The following TRPC1 variants were observed in gnomAD, a reference collection of about 807,000 sequenced individuals.
TRPC1 encodes the protein transient receptor potential cation channel subfamily C member 1, also known as short transient receptor potential channel 1.
In TRPC1, 42 loss-of-function variants were observed where a neutral mutation model predicts 88.2. That is an observed-to-expected ratio of 0.48 (90% CI 0.37 to 0.62). The LOEUF is 0.62. Ranked by LOEUF, TRPC1 falls within the 20% of genes least tolerant of loss-of-function variation. TRPC1 has a pLI of 0.00. For synonymous variants in TRPC1, 288 were observed against 331.8 expected (o/e 0.87, Z 1.43); for missense variants, 699 against 957.3 (o/e 0.73, Z 3.56).
chr3:142,750,393 A>T (rs1406809637), intron 4 of TRPC1, among the ~76,000 whole-genome samples: 1 of 152,208 alleles, frequency 6.6e-6, no homozygotes, highest in East Asian at 1.9e-4. Flanking sequence ...TAGAATGGTG[A>T]TCATTAAAAA....
rs765764675 is a variant in TRPC1, at chr3:142,776,882, A to G, written c.633-750A>G. Among the ~76,000 whole-genome samples, 12 of 152,016 alleles carry G rather than the reference A, an allele frequency of 7.9e-5. No individual in the cohort carries two copies. Among genetic ancestry groups the G allele is most frequent in the African/African-American group, 1.7e-4 (7 of 41,394 alleles). On this transcript the variant is annotated intron_variant, in intron 4 of 12. Transcript: ENST00000476941. This position sits in a 1 kb window ranked among gnomAD's most constrained non-coding sequence, Gnocchi z 4.1. Reference sequence around the variant, plus strand: ...CGTGCCATTGCACTCCGGTCTGGTGACAGAGTGAGACTCCATCTCAAAAAA... The same window carrying G: ...CGTGCCATTGCACTCCGGTCTGGTGGCAGAGTGAGACTCCATCTCAAAAAA...
In TRPC1 at chr3:142,806,140, G is replaced by A. The variant is rs1936787171; in HGVS notation, c.2287G>A (p.Glu763Lys). The A allele has an allele frequency of 6.2e-7, 1 of 1,613,786 alleles. No individual in the cohort carries two copies. Among genetic ancestry groups the A allele is most frequent in the South Asian group, 1.1e-5 (1 of 91,048 alleles). The change falls in exon 13 of 13, where the codon GAA becomes AAA. Residue 763 changes from glutamate (E) to lysine (K), a missense_variant. Around this residue, in one of 4 missense-constraint regions of TRPC1, gnomAD observed 105 missense variants for 141.7 expected, o/e 0.74. Transcript: ENST00000476941. ...TCAGGCAACTGTGGAAAATCTAAAC[G>A]AACTGCGCCAAGATCTGTCAAAATT... The part of the protein sequence containing the change: ...TDQATVENLN[E>K]LRQDLSKFRN...
chr3:142,743,981 A>G (rs1004057655), intron 3 of TRPC1, among the ~76,000 whole-genome samples: 5 of 152,266 alleles, frequency 3.3e-5, no homozygotes, highest in Non-Finnish European at 7.4e-5. Context: ...AAAGCAATGG[A>G]CAGAAATCAC....
At chr3:142,743,663 T>G in intron 3 of TRPC1, 77 bp downstream of exon 3, 1 of 851,850 alleles carries the variant, frequency 1.2e-6, no homozygotes, top group Non-Finnish European at 1.6e-6. Flanking sequence ...ATTTTTTCCT[T>G]CCCTCAAATT....
At chr3:142,790,813 G>A (rs1325692681) in intron 7 of TRPC1, among the ~76,000 whole-genome samples, 2 of 151,800 alleles carry the variant, frequency 1.3e-5, no homozygotes, top group Non-Finnish European at 2.9e-5. Flanking sequence ...TGAAACTTAA[G>A]GTTATTTTCT....
In TRPC1 at chr3:142,781,034, G is replaced by A; in HGVS notation, c.960+5G>A. The stretch of plus-strand genomic sequence containing the variant: ...ATCAAATATAACCAGAAAGAGGTAT[G>A]AGGCTTTCTGTAATATATTTAAATT... On this transcript the variant is annotated splice_donor_5th_base_variant and intron_variant, in intron 6 of 12. Transcript: ENST00000476941. The A allele has an allele frequency of 6.2e-7, 1 of 1,602,404 alleles. No individual in the cohort carries two copies. The highest frequency in any genetic ancestry group is 8.5e-7 in the Non-Finnish European group (1 of 1,175,658).
intron 9 of TRPC1, chr3:142,794,008 G>A: frequency 4.9e-6 from 3 of 617,756 alleles, no homozygotes; most frequent in Non-Finnish European, 6.1e-6. Flanking sequence ...GGAATTGACA[G>A]TGCATGTTAT....
chr3:142,740,815 A>G (rs1404878700), intron 2 of TRPC1, among the ~76,000 whole-genome samples: 1 of 152,228 alleles, frequency 6.6e-6, no homozygotes, highest in African/African-American at 2.4e-5. Context: ...GGTAAGAGAA[A>G]GATGGAATTA....
chr3:142,724,879 C>T lies in TRPC1; in HGVS notation c.172+148C>T. 2 of 915,282 alleles carry T rather than the reference C, an allele frequency of 2.2e-6. No individual in the cohort carries two copies. The highest frequency in any genetic ancestry group is 3.6e-5 in the African/African-American group (2 of 54,868). The allele number at this position is 915,282 out of a possible 1,614,324, so 56.7% of individuals were successfully genotyped here. ...GCCTGCTGCCTCAGGCGGTCTTCTC[C>T]TCACCGCCTCTGCCCTGTGAGTGTG... On this transcript the variant is annotated intron_variant, in intron 1 of 12. Transcript: ENST00000476941. This position sits in a 1 kb window ranked among gnomAD's most constrained non-coding sequence, Gnocchi z 5.6.
Position 142,736,442 on chromosome 3 carries a change from G to A in TRPC1, c.236G>A (p.Cys79Tyr). 2 of 1,612,716 alleles carry A rather than the reference G, an allele frequency of 1.2e-6. No homozygotes were observed. The highest frequency in any genetic ancestry group is 1.7e-6 in the Non-Finnish European group (2 of 1,179,500). ...ENSSGDLNINCVDVLGRNAVT... is the reference protein window; with the variant it reads ...ENSSGDLNINYVDVLGRNAVT... Reference sequence around the variant, plus strand: ...AGTTCAGGTGACTTGAACATAAATTGCGTAGATGTGCTTGGGAGAAATGCT... The same window carrying A: ...AGTTCAGGTGACTTGAACATAAATTACGTAGATGTGCTTGGGAGAAATGCT... The change falls in exon 2 of 13, where the codon TGC becomes TAC. Residue 79 changes from cysteine (C) to tyrosine (Y), a missense_variant. By Grantham distance (194) the Cys-to-Tyr change is radical (BLOSUM62 -2). This residue lies in a region of TRPC1 where 157 missense variants were observed against 127.0 expected (regional missense o/e 1.24). Coordinates refer to ENST00000476941, the MANE Select transcript of TRPC1 (RefSeq NM_001251845.2).
intron 7 of TRPC1, among the ~76,000 whole-genome samples, chr3:142,790,000 G>A (rs1936247991): frequency 6.6e-6 from 1 of 152,104 alleles, no homozygotes; most frequent in Admixed American, 6.6e-5. Flanking sequence ...AAAGAGATAA[G>A]TAATACAAAA....
chr3:142,748,169 C>A, intron 3 of TRPC1, 89 bp from the exon 4 acceptor site: 1 of 1,191,712 alleles, frequency 8.4e-7, no homozygotes, highest in Non-Finnish European at 1.2e-6. Context: ...TTCTTTGTGC[C>A]TTCCTATTTT....
chr3:142,748,183 A>T lies in TRPC1; in HGVS notation c.430-75A>T. The stretch of plus-strand genomic sequence containing the variant: ...GTTCTTTGTGCCTTCCTATTTTTTC[A>T]TTTCATTCTTCAGATAAATATATTT... On this transcript the variant is annotated intron_variant, in intron 3 of 12. Coordinates refer to ENST00000476941, the MANE Select transcript of TRPC1 (RefSeq NM_001251845.2). 14 of 1,296,540 alleles carry T rather than the reference A, an allele frequency of 1.1e-5. No homozygotes were observed. In the Admixed American group the frequency reaches 1.3e-4, roughly 12 times the overall value. 80.3% of individuals were successfully genotyped at this position (1,296,540 alleles called of 1,614,324 possible).
rs202144242 is a variant in TRPC1, at chr3:142,806,217, G to A, written c.2364G>A (p.Met788Ile). 1.9e-6 allele frequency: 3 copies of A among 1,602,214 alleles called. No individual in the cohort carries two copies. Among genetic ancestry groups the A allele is most frequent in the Non-Finnish European group, 2.6e-6 (3 of 1,170,970 alleles). ...LLGFRTSKYA[M>I]FYPRN ...GCTTTCGGACTTCTAAATATGCTAT[G>A]TTTTATCCAAGAAATTAACCATTTT... is the stretch of plus-strand genomic sequence containing the variant. The change falls in exon 13 of 13, where the codon ATG (methionine) becomes ATA (isoleucine). Residue 788 changes from methionine to isoleucine, a missense_variant. Met to Ile is a conservative substitution (Grantham distance 10, BLOSUM62 1). Transcript: ENST00000476941.
In TRPC1 at chr3:142,806,373, A is replaced by G. The variant is rs1412887226; in HGVS notation, c.*138A>G. Reference sequence around the variant, plus strand: ...AGCCATTCTTTAAAATATTTATAGCATAAATATATGTTATGTAAAGTGTGT... The same window carrying G: ...AGCCATTCTTTAAAATATTTATAGCGTAAATATATGTTATGTAAAGTGTGT... On this transcript the variant is annotated 3_prime_UTR_variant, in exon 13 of 13. Coordinates refer to ENST00000476941, the MANE Select transcript of TRPC1 (RefSeq NM_001251845.2). The G allele has an allele frequency of 1.4e-5, 11 of 758,940 alleles. No individual in the cohort carries two copies. The highest frequency in any genetic ancestry group is 8.8e-5 in the African/African-American group (5 of 56,574). The allele number at this position is 758,940 out of a possible 1,614,324, so 47.0% of individuals were successfully genotyped here.
intron 3 of TRPC1, among the ~76,000 whole-genome samples, chr3:142,745,803 G>C (rs1013430411): frequency 6.6e-6 from 1 of 151,714 alleles, no homozygotes; most frequent in Admixed American, 6.6e-5. Flanking sequence ...TGTTGTCCAG[G>C]CTGCAGTGCA....
At chr3:142,780,700 C>T in intron 5 of TRPC1, 134 bp from the exon 6 acceptor site, 1 of 916,900 alleles carries the variant, frequency 1.1e-6, no homozygotes, top group Non-Finnish European at 1.6e-6. Flanking sequence ...TTTGATTATC[C>T]ACAGAAAATG....
chr3:142,781,118 T>G, intron 6 of TRPC1, 89 bp downstream of exon 6: 1 of 1,083,086 alleles, frequency 9.2e-7, no homozygotes, highest in South Asian at 2.1e-5. Flanking sequence ...CTCATCTGGG[T>G]TAAGATCCTA....
At chr3:142,748,636 T>G (rs1577958474) in intron 4 of TRPC1, among the ~76,000 whole-genome samples, 176 bp downstream of exon 4, 2 of 152,234 alleles carry the variant, frequency 1.3e-5, no homozygotes, top group East Asian at 3.8e-4. Flanking sequence ...TTAAGAAGTG[T>G]TCACCAAATG....
Sources: gnomAD v4.1 joint callset for allele counts (sites outside exome capture counted in the v4.1 genomes callset) on GRCh38, gnomAD v4.1.1 for gene constraint, gnomAD v4.1.1 regional missense constraint, Gnocchi (gnomAD v3.1) non-coding constraint, MANE v1.5 for transcripts, NCBI Gene and HGNC (gene_info 2026-07-23, HGNC 2026-07-21) for gene names.